DPYD: variants seen among roughly 807,000 people sequenced by gnomAD.
The protein encoded by DPYD is dihydropyrimidine dehydrogenase, also known as dihydropyrimidine dehydrogenase [NADP(+)].
A neutral mutation model predicts 116.2 loss-of-function variants in DPYD; 109 were observed. That is an observed-to-expected ratio of 0.94 (90% CI 0.80 to 1.10). The LOEUF is 1.10. Among genes scored for constraint, DPYD ranks in the 50% least tolerant of loss-of-function variants. The pLI, the probability that DPYD is intolerant of heterozygous loss-of-function variation, is 0.00. For missense variants in DPYD, 1,302 were observed against 1,254.5 expected, an observed-to-expected ratio of 1.04 and a Z score of -0.57; for synonymous variants, 440 against 432.0, an observed-to-expected ratio of 1.02 and a Z score of -0.23.
intron 20 of DPYD, among the ~76,000 whole-genome samples, chr1:97,139,542 C>A (rs900289313): frequency 6.6e-6 from 1 of 152,096 alleles, no homozygotes; most frequent in Non-Finnish European, 1.5e-5. Flanking sequence ...CCTGTCTTTA[C>A]AAAACTTGAG....
chr1:97,732,842 T>A (rs2101052135), intron 4 of DPYD, among the ~76,000 whole-genome samples: 1 of 152,204 alleles, frequency 6.6e-6, no homozygotes, highest in South Asian at 2.1e-4. Context: ...AATTAATATT[T>A]TATTATAGTC....
chr1:97,431,925 T>A lies in DPYD; in HGVS notation c.1905+18134A>T, dbSNP rs139317127. On this transcript the variant is annotated intron_variant, in intron 14 of 22. Transcript: ENST00000370192. Reference sequence around the variant, plus strand: ...CTACACTCTATCTCCATGAGATCAGTTTTTTATCTCTCATATGTAAGTGAG... The same window carrying A: ...CTACACTCTATCTCCATGAGATCAGATTTTTATCTCTCATATGTAAGTGAG... Among the ~76,000 whole-genome samples the A allele has an allele frequency of 1.8e-4, 27 of 152,254 alleles. No homozygotes were observed. The East Asian group carries it at 4.5e-3, about 25-fold the overall frequency.
chr1:97,408,369 T>A (rs897171357), intron 14 of DPYD, among the ~76,000 whole-genome samples: 1 of 152,320 alleles, frequency 6.6e-6, no homozygotes, highest in African/African-American at 2.4e-5. Flanking sequence ...TATACACTTT[T>A]ACTAGGAAAA....
At chr1:97,407,866 G>T (rs1673757454) in intron 14 of DPYD, among the ~76,000 whole-genome samples, 1 of 152,100 alleles carries the variant, frequency 6.6e-6, no homozygotes, top group South Asian at 2.1e-4. Context: ...GCAACCAGGA[G>T]ACACAACAAC....
rs563402713 is a variant in DPYD, at chr1:97,318,485, G to A, written c.2059-12188C>T. 4.6e-5 allele frequency among the ~76,000 whole-genome samples: 7 copies of A among 151,832 alleles called. No individual in the cohort carries two copies. The South Asian group carries it at 1.5e-3, about 32-fold the overall frequency. Reference sequence around the variant, plus strand: ...AACAAAGATCAAAAGGGACAAAGAAGGCCATTACATAATGGTAAAGGGATC... The same window carrying A: ...AACAAAGATCAAAAGGGACAAAGAAAGCCATTACATAATGGTAAAGGGATC... On this transcript the variant is annotated intron_variant, in intron 16 of 22. Transcript: ENST00000370192.
At chr1:97,232,661 A>G (rs1661657929) in intron 19 of DPYD, among the ~76,000 whole-genome samples, 6 of 151,606 alleles carry the variant, frequency 4.0e-5, no homozygotes, top group Admixed American at 4.0e-4. Context: ...CTTCTAGTTC[A>G]CTGATTTTTT....
chr1:97,480,453 T>C (rs1217933286), intron 13 of DPYD, among the ~76,000 whole-genome samples: 3 of 152,152 alleles, frequency 2.0e-5, no homozygotes, highest in African/African-American at 7.2e-5. Context: ...TAACAGGAAG[T>C]CAATAGAAAA....
At chr1:97,542,669 T>C (rs1167699968) in intron 12 of DPYD, among the ~76,000 whole-genome samples, 2 of 152,190 alleles carry the variant, frequency 1.3e-5, no homozygotes, top group Admixed American at 6.5e-5. Context: ...GTATGCTATA[T>C]TGGGCTTACA....
At chr1:97,912,303 T>G (rs1249462826) in intron 1 of DPYD, among the ~76,000 whole-genome samples, 2 of 152,242 alleles carry the variant, frequency 1.3e-5, no homozygotes, top group Non-Finnish European at 2.9e-5. Flanking sequence ...TGCTGAAACA[T>G]TGTTCTTAAT....
intron 8 of DPYD, among the ~76,000 whole-genome samples, chr1:97,677,060 A>G (rs1660182534): frequency 6.6e-6 from 1 of 152,200 alleles, no homozygotes; most frequent in African/African-American, 2.4e-5. Flanking sequence ...AATATACTTA[A>G]GGGGACTTAA....
intron 13 of DPYD, among the ~76,000 whole-genome samples, chr1:97,513,726 T>C (rs1284133490): frequency 6.6e-6 from 1 of 151,750 alleles, no homozygotes; most frequent in Non-Finnish European, 1.5e-5. Context: ...TACTACTGAG[T>C]TGTATACTAC....
chr1:97,574,200 T>C (rs1346831337), intron 10 of DPYD, among the ~76,000 whole-genome samples: 3 of 152,122 alleles, frequency 2.0e-5, no homozygotes, highest in Non-Finnish European at 4.4e-5. Flanking sequence ...CACGGCATCA[T>C]AAGGTATTTC....
intron 20 of DPYD, among the ~76,000 whole-genome samples, chr1:97,160,685 C>A (rs889157965): frequency 6.6e-6 from 1 of 152,094 alleles, no homozygotes; most frequent in East Asian, 1.9e-4. Context: ...AACAGGACAG[C>A]CTTACACATA....
At chr1:97,449,692 G>T (rs1339899850) in intron 14 of DPYD, among the ~76,000 whole-genome samples, 1 of 152,080 alleles carries the variant, frequency 6.6e-6, no homozygotes, top group African/African-American at 2.4e-5. Flanking sequence ...TTCTGCCTCA[G>T]GTTTATATTT....
At chr1:97,681,788 T>C (rs1348682656) in intron 7 of DPYD, among the ~76,000 whole-genome samples, 2 of 152,162 alleles carry the variant, frequency 1.3e-5, no homozygotes, top group African/African-American at 4.8e-5. Context: ...TAATAAAGGT[T>C]AGACATAAAA....
chr1:97,234,852 C>T lies in DPYD; in HGVS notation c.2442G>A (p.Gln814=). Reference sequence around the variant, plus strand: ...AGGGACAGACAAACACAATGACTACCTGGAGGACGGAAGCACCACTATGGA... The same window carrying T: ...AGGGACAGACAAACACAATGACTACTTGGAGGACGGAAGCACCACTATGGA... The part of the protein sequence containing the change: ...QFLHSGASVL[Q]VCSAIQNQDF... The change falls in exon 19 of 23, where the codon CAG becomes CAA. Residue 814 remains glutamine, a splice_region_variant and synonymous_variant. Transcript: ENST00000370192. 6.2e-7 allele frequency: 1 copy of T among 1,613,848 alleles called. No individual in the cohort carries two copies. Among genetic ancestry groups the T allele is most frequent in the Non-Finnish European group, 8.5e-7 (1 of 1,179,926 alleles).
chr1:97,893,462 A>ATATAG (rs1553256548), intron 1 of DPYD, among the ~76,000 whole-genome samples: 1 of 139,846 alleles, frequency 7.2e-6, no homozygotes, highest in Non-Finnish European at 1.6e-5. Context: ...ATATATATAT[A>ATATAG]GCAATGGAGA....
intron 8 of DPYD, among the ~76,000 whole-genome samples, chr1:97,621,527 T>C (rs1017186818): frequency 1.3e-5 from 2 of 151,300 alleles, no homozygotes; most frequent in African/African-American, 4.8e-5. Flanking sequence ...TATTTGTACA[T>C]AAATAATATA....
At chr1:97,391,506 G>A (rs954683483) in intron 14 of DPYD, among the ~76,000 whole-genome samples, 10 of 151,906 alleles carry the variant, frequency 6.6e-5, no homozygotes, top group Admixed American at 4.6e-4. Flanking sequence ...AGGATTCTGT[G>A]TTACCTTGTA....
Sources: allele counts gnomAD v4.1 joint callset (sites outside exome capture counted in the v4.1 genomes callset), GRCh38; gene constraint gnomAD v4.1.1; transcripts MANE v1.5; gene names NCBI Gene and HGNC (gene_info 2026-07-23, HGNC 2026-07-21).